RAD54L2: variants seen among roughly 807,000 people sequenced by gnomAD.
RAD54L2 encodes the protein RAD54 like 2.
Under a neutral mutation model 138.4 loss-of-function variants are expected in RAD54L2, and 27 were observed. The observed-to-expected ratio is 0.20, with a 90% CI of 0.14 to 0.27. The LOEUF is 0.27. RAD54L2 is among the 10% of genes least tolerant of loss of function. The pLI is 1.00. For synonymous variants in RAD54L2, 644 were observed against 723.2 expected (o/e 0.89, Z 1.76); for missense variants, 1,396 against 1,890.2 (o/e 0.74, Z 4.85).
chr3:51,623,190 A>G (rs1034208341), intron 3 of RAD54L2, among the ~76,000 whole-genome samples: 1 of 152,230 alleles, frequency 6.6e-6, no homozygotes. Context: ...GTAGTCTACA[A>G]TTTCATCGAG....
Position 51,643,866 on chromosome 3 carries a change from C to G in RAD54L2, c.2351-9C>G. The G allele has an allele frequency of 6.3e-7, 1 of 1,592,094 alleles. No individual in the cohort carries two copies. The highest frequency in any genetic ancestry group is 8.6e-7 in the Non-Finnish European group (1 of 1,166,792). On this transcript the variant is annotated splice_polypyrimidine_tract_variant and intron_variant, in intron 15 of 22. Coordinates refer to ENST00000684192, the MANE Select transcript of RAD54L2 (RefSeq NM_015106.4). ...ATATCCACTGCTTATGGTTTTCCTT[C>G]CTTCCTAGGGCTAGATGGTAGCACC...
intron 5 of RAD54L2, 45 bp downstream of exon 5, chr3:51,629,518 A>G (rs1296037314): frequency 6.2e-7 from 1 of 1,601,310 alleles, no homozygotes; most frequent in Admixed American, 1.7e-5. Context: ...TTCAGGAGGA[A>G]GAAGCCCTAG....
At position 51,662,754 on chromosome 3, in the gene RAD54L2, C is replaced by T. The variant is rs768258627; in HGVS notation, c.3738C>T (p.His1246=). ...CTGGCCAGCCCTGTGGTGACAGGCACCCAGTGCTGGACTTAAGGGGCCACA... is the reference window on the plus strand; with the variant it reads ...CTGGCCAGCCCTGTGGTGACAGGCATCCAGTGCTGGACTTAAGGGGCCACA... ...LVTGQPCGDR[H]PVLDLRGHKR... Residue 1246 remains histidine, a synonymous_variant, in exon 23 of 23, where the codon CAC becomes CAT. Transcript: ENST00000684192. The surrounding 1 kb of genome is among the most constrained non-coding windows in gnomAD (Gnocchi z 4.6). The T allele has an allele frequency of 3.1e-6, 5 of 1,612,658 alleles. No homozygotes were observed. The highest frequency in any genetic ancestry group is 2.2e-5 in the South Asian group (2 of 90,898).
At chr3:51,575,773 T>C (rs1474129939) in intron 2 of RAD54L2, among the ~76,000 whole-genome samples, 2 of 152,214 alleles carry the variant, frequency 1.3e-5, no homozygotes, top group South Asian at 2.1e-4. Context: ...TTTCTAAGTA[T>C]ACAATCATGT....
intron 6 of RAD54L2, 122 bp downstream of exon 6, chr3:51,630,510 C>A: frequency 1.9e-6 from 2 of 1,026,102 alleles, no homozygotes; most frequent in East Asian, 2.5e-5. Flanking sequence ...ACTAATTTCC[C>A]TGTGTCTCCT....
chr3:51,627,086 A>G (rs1452781830), intron 3 of RAD54L2, among the ~76,000 whole-genome samples: 1 of 152,218 alleles, frequency 6.6e-6, no homozygotes, highest in African/African-American at 2.4e-5. Flanking sequence ...ATTGCTTGCC[A>G]TAAGCCCTCA....
rs1467971366 is a variant in RAD54L2 at position 51,637,954 on chromosome 3, T to G, written c.1683-190T>G. ...TGGGACAGGTCACTCTGCCTCTTAG[T>G]GTTAGTTTTCATCCTTAAGGTGAGT... On this transcript the variant is annotated intron_variant, in intron 11 of 22. Coordinates refer to ENST00000684192, the MANE Select transcript of RAD54L2 (RefSeq NM_015106.4). This position sits in a 1 kb window ranked among gnomAD's most constrained non-coding sequence, Gnocchi z 5.9. 1.3e-5 allele frequency among the ~76,000 whole-genome samples: 2 copies of G among 152,196 alleles called. No homozygotes were observed. Among genetic ancestry groups the G allele is most frequent in the Non-Finnish European group, 2.9e-5 (2 of 68,030 alleles).
At chr3:51,640,156 A>G (rs942892688) in intron 14 of RAD54L2, among the ~76,000 whole-genome samples, 157 bp downstream of exon 14, 14 of 152,318 alleles carry the variant, frequency 9.2e-5, no homozygotes, top group Non-Finnish European at 1.3e-4. Flanking sequence ...TCATTGCCCA[A>G]TTTGATTTCT....
At chr3:51,568,530 T>C (rs1699266777) in intron 2 of RAD54L2, among the ~76,000 whole-genome samples, 1 of 152,320 alleles carries the variant, frequency 6.6e-6, no homozygotes, top group East Asian at 1.9e-4. Flanking sequence ...ACTTTTCTTC[T>C]TCACTCTCAG....
At chr3:51,653,790 G>A (rs1701517626) in intron 19 of RAD54L2, among the ~76,000 whole-genome samples, 1 of 152,140 alleles carries the variant, frequency 6.6e-6, no homozygotes, top group Non-Finnish European at 1.5e-5. Flanking sequence ...ATGGTGTGGG[G>A]GGATGGGGGA....
chr3:51,661,006 T>C (rs150422331), intron 22 of RAD54L2, among the ~76,000 whole-genome samples: 10 of 152,028 alleles, frequency 6.6e-5, no homozygotes, highest in Admixed American at 4.6e-4. Flanking sequence ...CAGGCTGGAG[T>C]GCAGCAGTGC....
At chr3:51,600,186 C>T (rs1286794423) in intron 3 of RAD54L2, among the ~76,000 whole-genome samples, 1 of 152,084 alleles carries the variant, frequency 6.6e-6, no homozygotes, top group Admixed American at 6.6e-5. Context: ...TTGTGATCCG[C>T]CTGCTTCGGC....
chr3:51,600,570 CCA>C (rs1700058675), intron 3 of RAD54L2, among the ~76,000 whole-genome samples: 1 of 152,178 alleles, frequency 6.6e-6, no homozygotes. Flanking sequence ...TGTGATCATG[CCA>C]CTGCACTCCA....
intron 19 of RAD54L2, among the ~76,000 whole-genome samples, chr3:51,652,139 A>C (rs1701455766): frequency 6.6e-6 from 1 of 152,200 alleles, no homozygotes; most frequent in Non-Finnish European, 1.5e-5. Context: ...CCTATACACC[A>C]ATAACAGACA....
rs1327382037 is a variant in RAD54L2 at position 51,637,460 on chromosome 3, C to T, written c.1639C>T (p.Arg547Trp). The change falls in exon 11 of 23, where the codon CGG (arginine) becomes TGG (tryptophan). Residue 547 changes from arginine (R) to tryptophan (W), a missense_variant. Arg to Trp is a moderately radical substitution (Grantham distance 101). This residue lies in a region of RAD54L2 where 36 missense variants were observed against 107.2 expected (regional missense o/e 0.34). Coordinates refer to ENST00000684192, the MANE Select transcript of RAD54L2 (RefSeq NM_015106.4). This position sits in a 1 kb window ranked among gnomAD's most constrained non-coding sequence, Gnocchi z 5.9. ...TPQDVRLMRY[R>W]SHVLHSLLEG... ...TCAGGACGTCCGCCTCATGCGGTAC[C>T]GGAGCCATGTCCTGCACAGTCTTCT... 1 of 1,613,770 alleles carries T rather than the reference C, an allele frequency of 6.2e-7. No individual in the cohort carries two copies. The highest frequency in any genetic ancestry group is 1.7e-5 in the Admixed American group (1 of 60,008).
At chr3:51,609,444 A>G (rs1222595388) in intron 3 of RAD54L2, among the ~76,000 whole-genome samples, 1 of 152,202 alleles carries the variant, frequency 6.6e-6, no homozygotes, top group Non-Finnish European at 1.5e-5. Context: ...TCTGCTCCCA[A>G]ATTAGCAATT....
chr3:51,616,038 G>A (rs1289624390), intron 3 of RAD54L2, among the ~76,000 whole-genome samples: 1 of 151,866 alleles, frequency 6.6e-6, no homozygotes, highest in African/African-American at 2.4e-5. Context: ...GGGGGCACAC[G>A]TGATAATTTA....
intron 21 of RAD54L2, 89 bp from the exon 22 acceptor site, chr3:51,659,937 T>G: frequency 1.1e-6 from 1 of 934,726 alleles, no homozygotes; most frequent in Middle Eastern, 2.2e-4. Context: ...TATAGCTATT[T>G]ACAAGCCCAC....
chr3:51,598,811 A>G (rs946251534), intron 3 of RAD54L2, among the ~76,000 whole-genome samples: 3 of 152,106 alleles, frequency 2.0e-5, no homozygotes, highest in Non-Finnish European at 4.4e-5. Context: ...ATAGCTGAAC[A>G]TGCGGAGGTT....
Sources: allele counts gnomAD v4.1 joint callset (sites outside exome capture counted in the v4.1 genomes callset), GRCh38; gene constraint gnomAD v4.1.1; regional missense constraint gnomAD v4.1.1; non-coding constraint Gnocchi (gnomAD v3.1); transcripts MANE v1.5; gene names NCBI Gene and HGNC (gene_info 2026-07-23, HGNC 2026-07-21).